Variants in DISP2 observed in about 807,000 individuals in gnomAD.
The protein encoded by DISP2 is protein dispatched homolog 2.
A neutral mutation model predicts 95.5 loss-of-function variants in DISP2; 59 were observed. The ratio of observed to expected loss-of-function variants is 0.62; its 90% CI spans 0.50 to 0.77. The LOEUF (loss-of-function observed/expected upper bound fraction) is 0.77. DISP2 is among the 30% of genes least tolerant of loss of function. The pLI is 0.00. For missense variants in DISP2, 1,752 were observed against 1,854.6 expected (o/e 0.94, Z 1.02); for synonymous variants, 827 against 815.0 (o/e 1.01, Z -0.25).
Position 40,367,634 on chromosome 15 carries a change from C to T in DISP2, c.1522C>T (p.Arg508Cys), listed in dbSNP as rs1889523288. Residue 508 changes from arginine to cysteine, a missense_variant, in exon 8 of 8, where the codon CGC becomes TGC. Transcript: ENST00000267889. ...AIFFGMALYL[R>C]SLFLTLMVLL... ...CTTCTTCGGCATGGCCCTGTACCTG[C>T]GCTCACTCTTCCTCACGCTCATGGT... 1.9e-6 allele frequency: 3 copies of T among 1,614,004 alleles called. No homozygotes were observed. Among genetic ancestry groups the T allele is most frequent in the Admixed American group, 1.7e-5 (1 of 60,020 alleles).
intron 7 of DISP2, 80 bp from the exon 8 acceptor site, chr15:40,366,978 G>A: frequency 6.5e-7 from 1 of 1,534,462 alleles, no homozygotes; most frequent in South Asian, 1.2e-5. Context: ...GAAAGGAGAT[G>A]AGAGAGCCTT....
rs1372479653 is a variant in DISP2, at chr15:40,367,969, C to T, written c.1857C>T (p.Ala619=). The change falls in exon 8 of 8, where the codon GCC becomes GCT. Residue 619 remains alanine, a synonymous_variant. Coordinates refer to ENST00000267889, the MANE Select transcript of DISP2 (RefSeq NM_033510.3). ...GCCTGCCGGCCGTTCGCTGCCTCGCCCTCTTCATGGGCACGGCTGTGCTGG... is the reference window on the plus strand; with the variant it reads ...GCCTGCCGGCCGTTCGCTGCCTCGCTCTCTTCATGGGCACGGCTGTGCTGG... The part of the protein sequence containing the change: ...LSRLPAVRCL[A]LFMGTAVLVH... The T allele has an allele frequency of 3.8e-6, 6 of 1,567,138 alleles. No individual in the cohort carries two copies. The East Asian group carries it at 1.4e-4, about 37-fold the overall frequency.
chr15:40,358,245 G>GCCGCCGCCACCGCCA lies in DISP2; in HGVS notation c.-63_-62insACCGCCGCCACCGCC. Reference sequence around the variant, plus strand: ...TGCGCACGAGCACCCCGCCGCCGCTGCCGCCGCCACCGCCGCCGCCGCCGC... The same window carrying GCCGCCGCCACCGCCA: ...TGCGCACGAGCACCCCGCCGCCGCTGCCGCCGCCACCGCCACCGCCGCCACCGCCGCCGCCGCCGC... On this transcript the variant is annotated 5_prime_UTR_variant, in exon 1 of 8. Coordinates refer to ENST00000267889, the MANE Select transcript of DISP2 (RefSeq NM_033510.3). 1 of 1,008,956 alleles carries GCCGCCGCCACCGCCA rather than the reference G, an allele frequency of 9.9e-7. No homozygotes were observed. The allele number at this position is 1,008,956 out of a possible 1,614,324, so 62.5% of individuals were successfully genotyped here.
At chr15:40,365,532 T>C in intron 6 of DISP2, 96 bp from the exon 7 acceptor site, 1 of 1,436,818 alleles carries the variant, frequency 7.0e-7, no homozygotes, top group Non-Finnish European at 9.8e-7. Flanking sequence ...CCTGAGAATC[T>C]GAACCTCATG....
chr15:40,367,165 C>T lies in DISP2; in HGVS notation c.1053C>T (p.Ser351=), dbSNP rs1350048744. ...GNYLAVLSNR[S]SCLDTTQADA... is the part of the protein sequence containing the mutation. ...ATCTGGCTGTGCTCTCCAACCGCTCCTCCTGCCTGGACACTACCCAAGCTG... is the reference window on the plus strand; with the variant it reads ...ATCTGGCTGTGCTCTCCAACCGCTCTTCCTGCCTGGACACTACCCAAGCTG... Residue 351 remains serine, a synonymous_variant, in exon 8 of 8, where the codon TCC becomes TCT. Transcript: ENST00000267889. 1 of 1,614,034 alleles carries T rather than the reference C, an allele frequency of 6.2e-7. No homozygotes were observed. Among genetic ancestry groups the T allele is most frequent in the Admixed American group, 1.7e-5 (1 of 60,020 alleles).
chr15:40,364,042 C>T (rs2141260231), intron 2 of DISP2, 88 bp downstream of exon 2: 2 of 1,486,818 alleles, frequency 1.3e-6, no homozygotes, highest in East Asian at 4.6e-5. Context: ...CTCTAGACTC[C>T]TTTCTTAGGA....
At position 40,367,731 on chromosome 15, in the gene DISP2, T is replaced by A. The variant is rs1889526746; in HGVS notation, c.1619T>A (p.Phe540Tyr). The change falls in exon 8 of 8, where the codon TTC becomes TAC. Residue 540 changes from phenylalanine (F) to tyrosine (Y), a missense_variant. Phe to Tyr is a conservative substitution (Grantham distance 22). Around this residue, in one of 5 missense-constraint regions of DISP2, gnomAD observed 732 missense variants for 714.6 expected, o/e 1.02. Transcript: ENST00000267889. ...CAGGTGGCCTTCCGCATGGCCTACT[T>A]CCCCTTCGTCAATCTGGCAGCCCTC... The part of the protein sequence containing the change: ...LYQVAFRMAY[F>Y]PFVNLAALLL... 6.2e-7 allele frequency: 1 copy of A among 1,612,914 alleles called. No homozygotes were observed. Among genetic ancestry groups the A allele is most frequent in the African/African-American group, 1.3e-5 (1 of 74,882 alleles).
chr15:40,359,674 TGC>T (rs1354257557), intron 1 of DISP2, among the ~76,000 whole-genome samples: 20 of 152,382 alleles, frequency 1.3e-4, no homozygotes, highest in African/African-American at 4.8e-4. Flanking sequence ...AGGATCCACT[TGC>T]TCTCTTCCAG....
chr15:40,369,430 C>A lies in DISP2; in HGVS notation c.3318C>A (p.Phe1106Leu). The change falls in exon 8 of 8, where the codon TTC becomes TTA. Residue 1106 changes from phenylalanine (F) to leucine (L), a missense_variant. Physicochemically the swap from Phe to Leu is conservative, Grantham distance 22 (BLOSUM62 0). Transcript: ENST00000267889. ...TCAGTTGTGGCTTTGCCAGCTTCTT[C>A]TTCCAATCTCTCTGCTGTTTCTTCG... is the stretch of plus-strand genomic sequence containing the variant. ...KCVSCGFASF[F>L]FQSLCCFFGP... 1 of 1,613,534 alleles carries A rather than the reference C, an allele frequency of 6.2e-7. No homozygotes were observed. Among genetic ancestry groups the A allele is most frequent in the Non-Finnish European group, 8.5e-7 (1 of 1,180,024 alleles).
At chr15:40,364,359 G>C in intron 3 of DISP2, 62 bp from the exon 4 acceptor site, 1 of 1,613,354 alleles carries the variant, frequency 6.2e-7, no homozygotes, top group South Asian at 1.1e-5. Context: ...TCTGGGTGGA[G>C]CCTGAGCTCA....
In DISP2 at chr15:40,363,704, T is replaced by G; in HGVS notation, c.199T>G (p.Ser67Ala). Residue 67 changes from serine to alanine, a missense_variant, in exon 2 of 8, where the codon TCC becomes GCC. Physicochemically the swap from Ser to Ala is moderately conservative, Grantham distance 99. Transcript: ENST00000267889. ...CCACAGCTGCCCCCTGGAGGACCCT[T>G]CCAGCTCTTCAGGACCCCCACCAAC... ...SLHSCPLEDP[S>A]SSSGPPPTTS... The G allele has an allele frequency of 1.2e-6, 2 of 1,611,144 alleles. No individual in the cohort carries two copies. The highest frequency in any genetic ancestry group is 2.2e-5 in the South Asian group (2 of 90,622).
At chr15:40,358,785 C>G (rs1362729815) in intron 1 of DISP2, among the ~76,000 whole-genome samples, 1 of 152,200 alleles carries the variant, frequency 6.6e-6, no homozygotes, top group Non-Finnish European at 1.5e-5. Flanking sequence ...GCCCCAAGCC[C>G]GCAGTAACCT....
chr15:40,365,783 G>A, intron 7 of DISP2, 58 bp downstream of exon 7: 1 of 1,540,682 alleles, frequency 6.5e-7, no homozygotes. Flanking sequence ...TGAGGGAACT[G>A]ATCCCAAGGA....
rs759752159 is a variant in DISP2, at chr15:40,369,027, T to C, written c.2915T>C (p.Leu972Ser). Reference protein sequence around the residue: ...TEPAVVLGLALALAFATLLLG... With the variant: ...TEPAVVLGLASALAFATLLLG... ...CCTGCTGTGGTGCTGGGCCTGGCTT[T>C]GGCGCTGGCCTTTGCCACACTGCTC... The change falls in exon 8 of 8, where the codon TTG becomes TCG. Residue 972 changes from leucine to serine, a missense_variant. This residue lies in a region of DISP2 where 317 missense variants were observed against 394.9 expected (regional missense o/e 0.80). Transcript: ENST00000267889. 6.2e-7 allele frequency: 1 copy of C among 1,614,020 alleles called. No homozygotes were observed. The highest frequency in any genetic ancestry group is 1.1e-5 in the South Asian group (1 of 91,086).
chr15:40,363,058 C>G (rs1012750675), intron 1 of DISP2, among the ~76,000 whole-genome samples: 1 of 151,770 alleles, frequency 6.6e-6, no homozygotes, highest in South Asian at 2.1e-4. Context: ...AATCCTAGCA[C>G]TTTGGGAGGC....
Position 40,364,412 on chromosome 15 carries a change from C to T in DISP2, c.480-9C>T, listed in dbSNP as rs773941546. On this transcript the variant is annotated splice_polypyrimidine_tract_variant and intron_variant, in intron 3 of 7. Coordinates refer to ENST00000267889, the MANE Select transcript of DISP2 (RefSeq NM_033510.3). The stretch of plus-strand genomic sequence containing the variant: ...ACCCAACTCATGTGGACTCCTCCCT[C>T]TTTCCCAGCTATTCCCAGCTGATTG... The T allele has an allele frequency of 1.9e-6, 3 of 1,613,744 alleles. No individual in the cohort carries two copies. Among genetic ancestry groups the T allele is most frequent in the Admixed American group, 3.3e-5 (2 of 60,032 alleles).
rs201017746 is a variant in DISP2, at chr15:40,367,199, C to T, written c.1087C>T (p.Arg363Cys). The T allele has an allele frequency of 5.6e-6, 9 of 1,614,038 alleles. No individual in the cohort carries two copies. The highest frequency in any genetic ancestry group is 1.1e-5 in the South Asian group (1 of 91,084). The change falls in exon 8 of 8, where the codon CGC (arginine) becomes TGC (cysteine). Residue 363 changes from arginine (R) to cysteine (C), a missense_variant. By Grantham distance (180) the Arg-to-Cys change is radical (BLOSUM62 -3). Around this residue, in one of 5 missense-constraint regions of DISP2, gnomAD observed 732 missense variants for 714.6 expected, o/e 1.02. Coordinates refer to ENST00000267889, the MANE Select transcript of DISP2 (RefSeq NM_033510.3). ...CLDTTQADAA[R>C]TLALLRTCAL... ...GGACACTACCCAAGCTGACGCAGCC[C>T]GCACACTGGCCCTGCTTCGGACCTG...
In DISP2 at chr15:40,370,742, C is replaced by T. The variant is rs530205143; in HGVS notation, c.*424C>T. The T allele has an allele frequency of 2.7e-5, 12 of 447,590 alleles. No individual in the cohort carries two copies. Among genetic ancestry groups the T allele is most frequent in the Middle Eastern group, 3.5e-4 (1 of 2,860 alleles). The allele number at this position is 447,590 out of a possible 1,614,324, so 27.7% of individuals were successfully genotyped here. ...GGGTTCCTTACTGACCAGAGGAGCC[C>T]GCAGCAATCTCCACAGCCTCCTGGG... On this transcript the variant is annotated 3_prime_UTR_variant, in exon 8 of 8. Transcript: ENST00000267889.
intron 7 of DISP2, 40 bp from the exon 8 acceptor site, chr15:40,367,018 G>A (rs768158565): frequency 5.0e-6 from 8 of 1,595,598 alleles, no homozygotes; most frequent in Non-Finnish European, 6.8e-6. Flanking sequence ...TGAGCCCTTG[G>A]GCTGCCCCTG....
Sources: allele counts gnomAD v4.1 joint callset (sites outside exome capture counted in the v4.1 genomes callset), GRCh38; gene constraint gnomAD v4.1.1; regional missense constraint gnomAD v4.1.1; transcripts MANE v1.5; gene names NCBI Gene and HGNC (gene_info 2026-07-23, HGNC 2026-07-21).